Variants in RCAN2 observed in about 807,000 individuals in gnomAD.
RCAN2 encodes the protein regulator of calcineurin 2, also known as calcipressin-2.
RCAN2 carries 9 observed loss-of-function variants against 23.6 expected under a neutral mutation model. The ratio of observed to expected loss-of-function variants is 0.38; its 90% CI spans 0.23 to 0.67. The LOEUF (loss-of-function observed/expected upper bound fraction) is 0.67, where lower values mean the gene tolerates loss of function less well. Among genes scored for constraint, RCAN2 ranks in the 30% least tolerant of loss-of-function variants. The probability of loss-of-function intolerance (pLI) is 0.51; values close to 1 mark genes in which losing one functional copy is unlikely to be tolerated. For missense variants in RCAN2, 273 were observed against 302.3 expected, an observed-to-expected ratio of 0.90 and a Z score of 0.72; for synonymous variants, 109 against 115.7, an observed-to-expected ratio of 0.94 and a Z score of 0.37.
intron 1 of RCAN2, among the ~76,000 whole-genome samples, chr6:46,459,397 G>A (rs762225198): frequency 5.3e-5 from 8 of 152,036 alleles, no homozygotes; most frequent in South Asian, 2.1e-4. Context: ...ATCCATTGCC[G>A]AACAAATTAA....
intron 2 of RCAN2, among the ~76,000 whole-genome samples, chr6:46,314,613 T>C (rs1688766248): frequency 6.6e-6 from 1 of 152,188 alleles, no homozygotes; most frequent in Admixed American, 6.5e-5. Context: ...AAGGTCAATG[T>C]TGTAAATATT....
intron 4 of RCAN2, among the ~76,000 whole-genome samples, chr6:46,226,435 T>C (rs568372005): frequency 4.8e-4 from 73 of 152,314 alleles, no homozygotes; most frequent in African/African-American, 1.4e-3. Flanking sequence ...TGTTCTTCCA[T>C]TTGTTTGTGT....
chr6:46,463,893 T>C (rs1044702724), intron 1 of RCAN2, among the ~76,000 whole-genome samples: 9 of 152,198 alleles, frequency 5.9e-5, no homozygotes, highest in African/African-American at 2.2e-4. Context: ...CCTCATTTGC[T>C]TCTAAAATTA....
intron 2 of RCAN2, among the ~76,000 whole-genome samples, chr6:46,287,461 T>C (rs1283896376): frequency 6.6e-6 from 1 of 152,216 alleles, no homozygotes; most frequent in Non-Finnish European, 1.5e-5. Flanking sequence ...CCCTCTGTGC[T>C]ACCCCCCACT....
intron 2 of RCAN2, among the ~76,000 whole-genome samples, chr6:46,277,870 T>C (rs1251925699): frequency 6.6e-6 from 1 of 152,062 alleles, no homozygotes; most frequent in Non-Finnish European, 1.5e-5. Context: ...GAAACTGCAT[T>C]CTCCGAGACA....
chr6:46,310,175 T>C (rs900638391), intron 2 of RCAN2, among the ~76,000 whole-genome samples: 1 of 152,118 alleles, frequency 6.6e-6, no homozygotes, highest in African/African-American at 2.4e-5. Context: ...AGATTTGGTT[T>C]TGCTTAAATA....
chr6:46,366,850 A>T (rs997048448), intron 2 of RCAN2, among the ~76,000 whole-genome samples: 1 of 151,330 alleles, frequency 6.6e-6, no homozygotes, highest in Non-Finnish European at 1.5e-5. Flanking sequence ...ACTGCAAGAC[A>T]TCACTGCAGT....
At chr6:46,465,032 A>T (rs867471) in intron 1 of RCAN2, among the ~76,000 whole-genome samples, 6,249 of 152,258 alleles carry the variant, frequency 0.041, 278 homozygotes, top group South Asian at 0.12. Flanking sequence ...TCTTTCAATA[A>T]ACATAATAAA....
chr6:46,233,727 T>TC (rs1765988156), intron 4 of RCAN2, among the ~76,000 whole-genome samples: 1 of 151,552 alleles, frequency 6.6e-6, no homozygotes, highest in South Asian at 2.1e-4. Flanking sequence ...ACTTCTTTTT[T>TC]TTTTTTTTTT....
intron 2 of RCAN2, among the ~76,000 whole-genome samples, chr6:46,297,586 G>A (rs987585686): frequency 5.9e-5 from 9 of 152,074 alleles, no homozygotes; most frequent in Admixed American, 5.2e-4. Flanking sequence ...TAGAGGCACA[G>A]AACACATATT....
chr6:46,338,142 C>T (rs1421886922), intron 2 of RCAN2, among the ~76,000 whole-genome samples: 2 of 152,270 alleles, frequency 1.3e-5, no homozygotes, highest in South Asian at 2.1e-4. Flanking sequence ...AAAACAGTAA[C>T]ATATAGGGGA....
intron 2 of RCAN2, among the ~76,000 whole-genome samples, chr6:46,439,766 C>T (rs1336513657): frequency 6.6e-6 from 1 of 152,152 alleles, no homozygotes; most frequent in East Asian, 1.9e-4. Context: ...CATGTCCCTA[C>T]CCTCCCTCCT....
chr6:46,406,673 C>A (rs1269131157), intron 2 of RCAN2, among the ~76,000 whole-genome samples: 2 of 152,134 alleles, frequency 1.3e-5, no homozygotes, highest in East Asian at 3.9e-4. Flanking sequence ...TTTAGAAAAG[C>A]CTTTGCTTTA....
chr6:46,236,966 T>G (rs1024693777), intron 4 of RCAN2, among the ~76,000 whole-genome samples: 2 of 152,240 alleles, frequency 1.3e-5, no homozygotes, highest in African/African-American at 4.8e-5. Flanking sequence ...TATCTAGTTA[T>G]ACAACAGTAA....
At chr6:46,239,369 C>T (rs953670172) in intron 4 of RCAN2, among the ~76,000 whole-genome samples, 7 of 152,148 alleles carry the variant, frequency 4.6e-5, no homozygotes, top group Non-Finnish European at 8.8e-5. Context: ...CTCTCTGATT[C>T]TTTTGTGTTT....
intron 2 of RCAN2, among the ~76,000 whole-genome samples, chr6:46,309,256 A>G (rs1242653508): frequency 6.6e-6 from 1 of 152,188 alleles, no homozygotes; most frequent in Non-Finnish European, 1.5e-5. Flanking sequence ...GAGGCCTGGA[A>G]TGCTTAAGTC....
intron 2 of RCAN2, among the ~76,000 whole-genome samples, chr6:46,297,878 A>G (rs1473386341): frequency 6.6e-6 from 1 of 152,124 alleles, no homozygotes; most frequent in Non-Finnish European, 1.5e-5. Context: ...CGTTTTATAG[A>G]GAGAACGAGA....
chr6:46,260,374 T>C (rs992411072), intron 2 of RCAN2, among the ~76,000 whole-genome samples: 1 of 152,150 alleles, frequency 6.6e-6, no homozygotes, highest in Admixed American at 6.5e-5. Flanking sequence ...GAGACTTGAA[T>C]CCGCAAAGTT....
chr6:46,333,802 C>A (rs1764059590), intron 2 of RCAN2, among the ~76,000 whole-genome samples: 1 of 152,174 alleles, frequency 6.6e-6, no homozygotes, highest in Non-Finnish European at 1.5e-5. Flanking sequence ...TGAATCAATG[C>A]CTTCCAATCT....
Sources: gnomAD v4.1 joint callset for allele counts (sites outside exome capture counted in the v4.1 genomes callset) on GRCh38, gnomAD v4.1.1 for gene constraint, MANE v1.5 for transcripts, NCBI Gene and HGNC (gene_info 2026-07-23, HGNC 2026-07-21) for gene names.